Variants in MARS1 observed in about 807,000 individuals in gnomAD.
The protein encoded by MARS1 is methionine--tRNA ligase, cytoplasmic.
A neutral mutation model predicts 119.5 loss-of-function variants in MARS1; 80 were observed. The ratio of observed to expected loss-of-function variants is 0.67; its 90% CI spans 0.56 to 0.81. MARS1 has a LOEUF of 0.81. Ranked by LOEUF, MARS1 falls within the 30% of genes least tolerant of loss-of-function variation. The probability of loss-of-function intolerance (pLI) is 0.00; values close to 1 mark genes in which losing one functional copy is unlikely to be tolerated. For synonymous variants in MARS1, 418 were observed against 433.4 expected, an observed-to-expected ratio of 0.96 and a Z score of 0.44; for missense variants, 945 against 1,116.5, an observed-to-expected ratio of 0.85 and a Z score of 2.19.
rs529363413 is a variant in MARS1, at chr12:57,511,683, T to G, written c.1369-15T>G. On this transcript the variant is annotated splice_polypyrimidine_tract_variant and intron_variant, in intron 11 of 20. Coordinates refer to ENST00000262027, the MANE Select transcript of MARS1 (RefSeq NM_004990.4). Reference sequence around the variant, plus strand: ...GAGACTTTCCTAAATCAGCCCTCTTTCTCCGTTATCTCAGCTGGAGAAGCG... The same window carrying G: ...GAGACTTTCCTAAATCAGCCCTCTTGCTCCGTTATCTCAGCTGGAGAAGCG... The G allele has an allele frequency of 1.9e-6, 3 of 1,613,846 alleles. No individual in the cohort carries two copies. In the African/African-American group the frequency reaches 4.0e-5, roughly 22 times the overall value.
At chr12:57,494,550 CGGAGAGGGGGATTT>C (rs1876487179) in intron 7 of MARS1, among the ~76,000 whole-genome samples, 2 of 128,416 alleles carry the variant, frequency 1.6e-5, no homozygotes. Flanking sequence ...GGGTGTTTCT[CGGAGAGGGGGATTT>C]GGCAGGGTCA....
chr12:57,507,804 A>AC (rs1183813457), intron 11 of MARS1, among the ~76,000 whole-genome samples: 2 of 115,790 alleles, frequency 1.7e-5, no homozygotes, highest in South Asian at 2.8e-4. Flanking sequence ...GCGGAGGCTG[A>AC]CCCCCACCTC....
chr12:57,513,556 G>C (rs1303742337), intron 15 of MARS1, among the ~76,000 whole-genome samples: 1 of 149,864 alleles, frequency 6.7e-6, no homozygotes, highest in African/African-American at 2.5e-5. Flanking sequence ...TGAGGCTGCA[G>C]TGGAGCAGTA....
In MARS1 at chr12:57,516,508, T is replaced by TGGATC. The variant is rs1172463219; in HGVS notation, c.2631_2635dup (p.Leu879ArgfsTer3). The TGGATC allele has an allele frequency of 1.1e-5, 18 of 1,613,514 alleles. No individual in the cohort carries two copies. The highest frequency in any genetic ancestry group is 1.5e-5 in the Non-Finnish European group (18 of 1,179,892). On this transcript the variant is annotated frameshift_variant, in exon 21 of 21. Coordinates refer to ENST00000262027, the MANE Select transcript of MARS1 (RefSeq NM_004990.4). LOFTEE classifies it high-confidence loss of function. ...GTTGCTGCGGAGGTGGCGAAACTCT[T>TGGATC]GGATCTAAAGAAACAGTTGGCTGTA...
intron 20 of MARS1, 26 bp downstream of exon 20, chr12:57,516,363 A>G: frequency 6.2e-7 from 1 of 1,613,560 alleles, no homozygotes; most frequent in Middle Eastern, 1.7e-4. Flanking sequence ...CCTGTGGGAG[A>G]CTGGACAAGC....
chr12:57,493,445 ATATATAATATAT>A lies in MARS1; in HGVS notation c.770+2806_770+2817del, dbSNP rs1565639891. On this transcript the variant is annotated intron_variant, in intron 7 of 20. Transcript: ENST00000262027. Reference sequence around the variant, plus strand: ...TATGATATGTATAATATATTACATAATATATAATATATTATAATATATAATATATAATATATA... The same window carrying A: ...TATGATATGTATAATATATTACATAATATAATATATAATATATAATATATA... Among the ~76,000 whole-genome samples the A allele has an allele frequency of 0.012, 34 of 2,768 alleles. 7 individuals carry two copies. In the Admixed American group the frequency reaches 0.13, roughly 11 times the overall value. The allele number at this position is 2,768 out of a possible 152,430, so 1.8% of individuals were successfully genotyped here.
chr12:57,507,437 G>A (rs1877240557), intron 11 of MARS1, among the ~76,000 whole-genome samples: 1 of 77,236 alleles, frequency 1.3e-5, no homozygotes, highest in Non-Finnish European at 3.0e-5. Flanking sequence ...GCCGGGCAGA[G>A]GCGCCCCTCA....
At chr12:57,510,013 A>G (rs75719980) in intron 11 of MARS1, among the ~76,000 whole-genome samples, 2 of 151,812 alleles carry the variant, frequency 1.3e-5, no homozygotes, top group Admixed American at 6.6e-5. Context: ...AGTGTGTTCA[A>G]ACAAAATTTT....
chr12:57,489,619 G>T (rs749404355), intron 4 of MARS1, 61 bp downstream of exon 4: 26 of 1,604,440 alleles, frequency 1.6e-5, no homozygotes, highest in Non-Finnish European at 2.0e-5. Flanking sequence ...TAAGAGGGAA[G>T]ACTGTATTCA....
At position 57,490,535 on chromosome 12, in the gene MARS1, T is replaced by G. The variant is rs764179426; in HGVS notation, c.664-3T>G. ...GGTAAGGGATTCTCTCCACTCTTTA[T>G]AGGAGGAGGAGCTGGCTACCCTATC... On this transcript the variant is annotated splice_polypyrimidine_tract_variant and splice_region_variant and intron_variant, in intron 6 of 20. Coordinates refer to ENST00000262027, the MANE Select transcript of MARS1 (RefSeq NM_004990.4). The G allele has an allele frequency of 3.1e-6, 5 of 1,613,880 alleles. No homozygotes were observed. In the South Asian group the frequency reaches 5.5e-5, roughly 18 times the overall value.
intron 19 of MARS1, 33 bp from the exon 20 acceptor site, chr12:57,516,212 A>G (rs746127926): frequency 2.5e-6 from 4 of 1,591,458 alleles, no homozygotes; most frequent in Non-Finnish European, 2.6e-6. Flanking sequence ...GGGGATATTT[A>G]TGGTTGCTGG....
chr12:57,512,825 A>T lies in MARS1; in HGVS notation c.1828A>T (p.Thr610Ser). ...VGVFGDMAQD[T>S]GIPADIWRFY... ...AGTGTTTGGGGACATGGCCCAGGAC[A>T]CGGGGATCCCTGCTGACATCTGGCG... is the stretch of plus-strand genomic sequence containing the variant. The change falls in exon 15 of 21, where the codon ACG becomes TCG. Residue 610 changes from threonine (T) to serine (S), a missense_variant. Coordinates refer to ENST00000262027, the MANE Select transcript of MARS1 (RefSeq NM_004990.4). 6.2e-7 allele frequency: 1 copy of T among 1,614,240 alleles called. No homozygotes were observed. Among genetic ancestry groups the T allele is most frequent in the Non-Finnish European group, 8.5e-7 (1 of 1,180,038 alleles).
intron 10 of MARS1, among the ~76,000 whole-genome samples, chr12:57,502,290 G>A (rs116260314): frequency 0.01 from 1,594 of 152,206 alleles, 21 homozygotes; most frequent in African/African-American, 0.032. Context: ...GGTTTGTTAA[G>A]CTTGAGATGC....
At chr12:57,498,373 G>T (rs749246664) in intron 8 of MARS1, 47 bp from the exon 9 acceptor site, 7 of 1,599,318 alleles carry the variant, frequency 4.4e-6, no homozygotes, top group Non-Finnish European at 6.0e-6. Flanking sequence ...CAAGGACAAG[G>T]AAGCGCTGAA....
In MARS1 at chr12:57,511,828, A is replaced by G. The variant is rs1476746024; in HGVS notation, c.1499A>G (p.Lys500Arg). 2 of 1,614,174 alleles carry G rather than the reference A, an allele frequency of 1.2e-6. No homozygotes were observed. The highest frequency in any genetic ancestry group is 2.2e-5 in the South Asian group (2 of 91,080). The change falls in exon 12 of 21, where the codon AAA becomes AGA. Residue 500 changes from lysine (K) to arginine (R), a missense_variant. Transcript: ENST00000262027. Reference protein sequence around the residue: ...LKPRCITRDLKWGTPVPLEGF... With the variant: ...LKPRCITRDLRWGTPVPLEGF... ...CCACGCTGCATAACCCGAGACCTCA[A>G]ATGGGGAACCCCTGTACCCTTAGAA...
intron 11 of MARS1, among the ~76,000 whole-genome samples, chr12:57,506,876 C>T (rs1334431704): frequency 6.8e-6 from 1 of 147,598 alleles, no homozygotes; most frequent in Non-Finnish European, 1.5e-5. Flanking sequence ...TTTTAATTGA[C>T]CATTCTTGGG....
chr12:57,495,250 G>A (rs1266817425), intron 7 of MARS1, among the ~76,000 whole-genome samples: 1 of 151,578 alleles, frequency 6.6e-6, no homozygotes, highest in African/African-American at 2.4e-5. Flanking sequence ...GGGGCGGCTG[G>A]CGGGGCGGGG....
chr12:57,514,603 C>T, intron 15 of MARS1, 117 bp from the exon 16 acceptor site: 3 of 1,308,726 alleles, frequency 2.3e-6, no homozygotes, highest in South Asian at 1.2e-5. Context: ...GTTACCTGTT[C>T]CAGGCAGGAA....
At chr12:57,492,299 A>C (rs1433848142) in intron 7 of MARS1, among the ~76,000 whole-genome samples, 2 of 151,360 alleles carry the variant, frequency 1.3e-5, no homozygotes, top group Non-Finnish European at 2.9e-5. Context: ...AAAAAGTCCA[A>C]TGAAGGAAAA....
Sources: gnomAD v4.1 joint callset for allele counts (sites outside exome capture counted in the v4.1 genomes callset) on GRCh38, gnomAD v4.1.1 for gene constraint, MANE v1.5 for transcripts, NCBI Gene and HGNC (gene_info 2026-07-23, HGNC 2026-07-21) for gene names.